Variants in ACYP2 observed in about 807,000 individuals in gnomAD.
ACYP2 encodes acylphosphatase 2.
A neutral mutation model predicts 11.2 loss-of-function variants in ACYP2; 12 were observed. The observed-to-expected ratio is 1.08, with a 90% CI of 0.69 to 1.74. The LOEUF (loss-of-function observed/expected upper bound fraction) is 1.74, where lower values mean the gene tolerates loss of function less well. Ranked by LOEUF, ACYP2 falls within the 40% of genes most tolerant of loss-of-function variation. The pLI, the probability that ACYP2 is intolerant of heterozygous loss-of-function variation, is 0.00. For missense variants in ACYP2, 134 were observed against 101.9 expected, an observed-to-expected ratio of 1.31 and a Z score of -1.35; for synonymous variants, 43 against 32.2, an observed-to-expected ratio of 1.33 and a Z score of -1.13.
chr2:54,174,949 T>A (rs1683376934), intron 6 of ACYP2, among the ~76,000 whole-genome samples: 1 of 152,224 alleles, frequency 6.6e-6, no homozygotes, highest in Admixed American at 6.5e-5. Context: ...TATTGAGGAT[T>A]TTCACATCGG....
chr2:54,213,973 T>G (rs375845432), intron 6 of ACYP2, among the ~76,000 whole-genome samples: 9 of 152,202 alleles, frequency 5.9e-5, no homozygotes, highest in Middle Eastern at 6.8e-3. Context: ...AAGATCTCCC[T>G]GGTCTTGAAC....
chr2:54,225,507 A>G (rs759377778), intron 6 of ACYP2, among the ~76,000 whole-genome samples: 1 of 152,018 alleles, frequency 6.6e-6, no homozygotes, highest in Non-Finnish European at 1.5e-5. Context: ...GTCATGTTTT[A>G]GGATTTTACT....
chr2:54,079,091 G>T (rs1677506846), intron 4 of ACYP2, among the ~76,000 whole-genome samples: 1 of 152,196 alleles, frequency 6.6e-6, no homozygotes, highest in Non-Finnish European at 1.5e-5. Context: ...CTCTTAAAAT[G>T]AAGAGACTGT....
At chr2:54,193,086 C>A (rs1041343193) in intron 6 of ACYP2, among the ~76,000 whole-genome samples, 6 of 152,152 alleles carry the variant, frequency 3.9e-5, no homozygotes, top group Non-Finnish European at 8.8e-5. Context: ...CAAAATTGAG[C>A]AAAACCTTTC....
chr2:53,990,306 C>A (rs899931169), intron 2 of ACYP2, among the ~76,000 whole-genome samples: 2 of 151,948 alleles, frequency 1.3e-5, no homozygotes, highest in African/African-American at 4.8e-5. Context: ...AATTCATCTT[C>A]TATTTAATTT....
intron 6 of ACYP2, among the ~76,000 whole-genome samples, chr2:54,234,821 T>A (rs746231269): frequency 2.5e-4 from 38 of 152,240 alleles, no homozygotes; most frequent in Non-Finnish European, 5.0e-4. Context: ...ACAAAGTTTT[T>A]GTAAAGCATC....
intron 4 of ACYP2, among the ~76,000 whole-genome samples, chr2:54,075,173 A>G (rs907415655): frequency 2.0e-5 from 3 of 152,302 alleles, no homozygotes; most frequent in African/African-American, 7.2e-5. Flanking sequence ...TACTTAGGCT[A>G]TTAACAGATT....
chr2:54,268,912 T>G (rs923157565), intron 6 of ACYP2, among the ~76,000 whole-genome samples: 1 of 152,234 alleles, frequency 6.6e-6, no homozygotes, highest in Admixed American at 6.5e-5. Context: ...GAGTTTACAA[T>G]GTTATAAGTA....
chr2:54,023,114 TC>T (rs1185017353), intron 2 of ACYP2, among the ~76,000 whole-genome samples: 1 of 152,216 alleles, frequency 6.6e-6, no homozygotes, highest in African/African-American at 2.4e-5. Flanking sequence ...ATTTTTTCTT[TC>T]CTATACCCAG....
chr2:54,191,151 C>T (rs1250700081), intron 6 of ACYP2, among the ~76,000 whole-genome samples: 1 of 152,002 alleles, frequency 6.6e-6, no homozygotes, highest in Non-Finnish European at 1.5e-5. Context: ...TCCCCTGTGC[C>T]CCCAACAGTC....
chr2:54,041,055 T>C (rs1675194134), intron 2 of ACYP2, among the ~76,000 whole-genome samples: 1 of 151,820 alleles, frequency 6.6e-6, no homozygotes, highest in South Asian at 2.2e-4. Context: ...AGCGGTGGCC[T>C]TTTCTTTTCT....
chr2:54,039,819 T>TGTG (rs1675125815), intron 2 of ACYP2, among the ~76,000 whole-genome samples: 16 of 126,686 alleles, frequency 1.3e-4, no homozygotes, highest in East Asian at 7.4e-4. Flanking sequence ...TTGTTTTCTT[T>TGTG]TGTGTGTGTG....
chr2:54,073,221 C>T (rs1233095116), intron 4 of ACYP2, among the ~76,000 whole-genome samples: 1 of 152,022 alleles, frequency 6.6e-6, no homozygotes, highest in Non-Finnish European at 1.5e-5. Context: ...GACTTCACAC[C>T]ATATGTAAGA....
At chr2:54,195,604 C>A (rs1388238584) in intron 6 of ACYP2, among the ~76,000 whole-genome samples, 1 of 145,458 alleles carries the variant, frequency 6.9e-6, no homozygotes, top group African/African-American at 2.6e-5. Context: ...ATCACATCCG[C>A]AGCCACGTTG....
chr2:54,235,928 T>G (rs1686458595), intron 6 of ACYP2, among the ~76,000 whole-genome samples: 1 of 152,194 alleles, frequency 6.6e-6, no homozygotes, highest in African/African-American at 2.4e-5. Context: ...AAGCTTGCTT[T>G]CTGTATTTCT....
chr2:54,169,330 G>C (rs1021229118), intron 6 of ACYP2, among the ~76,000 whole-genome samples: 1 of 152,150 alleles, frequency 6.6e-6, no homozygotes, highest in Non-Finnish European at 1.5e-5. Context: ...ACACCCATGA[G>C]AGCCTCCCCT....
intron 2 of ACYP2, among the ~76,000 whole-genome samples, chr2:53,989,471 C>T (rs7569512): frequency 7.1e-4 from 108 of 152,096 alleles, no homozygotes; most frequent in African/African-American, 2.1e-3. Flanking sequence ...CTAAAATGCA[C>T]CTAATGTGTG....
intron 2 of ACYP2, among the ~76,000 whole-genome samples, chr2:54,008,232 TACAC>T (rs1160814914): frequency 1.3e-5 from 2 of 152,224 alleles, no homozygotes; most frequent in African/African-American, 4.8e-5. Context: ...ACATTCTGCC[TACAC>T]ACTAAAGTCC....
chr2:54,141,635 A>G (rs1028496432), intron 6 of ACYP2, among the ~76,000 whole-genome samples: 13 of 152,324 alleles, frequency 8.5e-5, no homozygotes, highest in Middle Eastern at 3.4e-3. Context: ...CTACATCAGT[A>G]TACCATATTG....
Sources: allele counts gnomAD v4.1 joint callset (sites outside exome capture counted in the v4.1 genomes callset), GRCh38; gene constraint gnomAD v4.1.1; transcripts MANE v1.5; gene names NCBI Gene and HGNC (gene_info 2026-07-23, HGNC 2026-07-21).